Variants in HK1 observed in about 807,000 individuals in gnomAD.
HK1 encodes the protein hexokinase-1.
HK1 carries 28 observed loss-of-function variants against 91.6 expected under a neutral mutation model. The observed-to-expected ratio is 0.31, with a 90% CI of 0.23 to 0.42. The LOEUF (loss-of-function observed/expected upper bound fraction) is 0.42. Among genes scored for constraint, HK1 ranks in the 10% least tolerant of loss-of-function variants. The pLI, the probability that HK1 is intolerant of heterozygous loss-of-function variation, is 1.00. For synonymous variants in HK1, 430 were observed against 468.1 expected, an observed-to-expected ratio of 0.92 and a Z score of 1.05; for missense variants, 770 against 1,219.8, an observed-to-expected ratio of 0.63 and a Z score of 5.49.
intron 1 of HK1, 91 bp from the exon 2 acceptor site, chr10:69,343,736 T>C: frequency 1.1e-6 from 1 of 950,646 alleles, no homozygotes. Flanking sequence ...TTCCTGTGCC[T>C]GTGGGAGCTG....
At chr10:69,305,314 G>A (rs1846051621) in intron 5 of HK1, among the ~76,000 whole-genome samples, 1 of 152,176 alleles carries the variant, frequency 6.6e-6, no homozygotes, top group Admixed American at 6.5e-5. Context: ...TATAGGGGAG[G>A]CTGGAAATGG....
At chr10:69,346,562 G>A (rs796618741) in intron 2 of HK1, among the ~76,000 whole-genome samples, 4 of 151,824 alleles carry the variant, frequency 2.6e-5, no homozygotes, top group African/African-American at 9.7e-5. Flanking sequence ...TGTAGAGATA[G>A]GGTTTTGCCA....
At chr10:69,357,880 G>A (rs1007172769) in intron 2 of HK1, among the ~76,000 whole-genome samples, 1 of 152,120 alleles carries the variant, frequency 6.6e-6, no homozygotes, top group Non-Finnish European at 1.5e-5. Context: ...AGGGTATAGG[G>A]TTTCTTTTTG....
chr10:69,283,810 A>AAAAG (rs1224938446), intron 2 of HK1, among the ~76,000 whole-genome samples: 1 of 150,644 alleles, frequency 6.6e-6, no homozygotes, highest in Non-Finnish European at 1.5e-5. Context: ...AAAAAAAAAA[A>AAAAG]AAAAAAAGAA....
chr10:69,364,100 G>GTTGCCC (rs1564543313), intron 3 of HK1, among the ~76,000 whole-genome samples: 3 of 152,344 alleles, frequency 2.0e-5, no homozygotes, highest in East Asian at 3.9e-4. Context: ...GTGGCTGGCA[G>GTTGCCC]TTGCCCTTGG....
At chr10:69,318,272 G>A, upstream of HK1, 10 of 973,442 alleles carry the variant, frequency 1.0e-5, no homozygotes, top group Non-Finnish European at 1.1e-5. Context: ...AGGAAGGCGC[G>A]GGACCCGGGT....
intron 13 of HK1, among the ~76,000 whole-genome samples, chr10:69,387,669 C>T (rs1839704752): frequency 1.3e-5 from 2 of 152,090 alleles, no homozygotes; most frequent in South Asian, 2.1e-4. Context: ...CAAGCATGGG[C>T]CACCACACCA....
At chr10:69,273,252 G>C (rs1228473223) in intron 1 of HK1, among the ~76,000 whole-genome samples, 1 of 151,960 alleles carries the variant, frequency 6.6e-6, no homozygotes, top group African/African-American at 2.4e-5. Flanking sequence ...GTCTCACTCT[G>C]TAACACAGGC....
At chr10:69,304,275 ATTATTTATTTATTTATTTATTTAT>A (rs141139312) in intron 5 of HK1, among the ~76,000 whole-genome samples, 2 of 143,388 alleles carry the variant, frequency 1.4e-5, no homozygotes, top group Admixed American at 1.4e-4. Flanking sequence ...TTTTATTTTT[ATTATTTATTTATTTATTTATTTAT>A]TTATTTATTT....
rs375270735 is a variant in HK1, at chr10:69,360,055, T to C, written c.375+10T>C. On this transcript the variant is annotated intron_variant, in intron 3 of 17. Coordinates refer to ENST00000359426, the MANE Select transcript of HK1 (RefSeq NM_000188.3). Reference sequence around the variant, plus strand: ...CGGCAGTGGAAGCCAGGTGGGTCCCTGCTCCCTCCGGGTCACCCCGTCGGG... The same window carrying C: ...CGGCAGTGGAAGCCAGGTGGGTCCCCGCTCCCTCCGGGTCACCCCGTCGGG... 137 of 1,613,426 alleles carry C rather than the reference T, an allele frequency of 8.5e-5. No individual in the cohort carries two copies. Among genetic ancestry groups the C allele is most frequent in the Non-Finnish European group, 1.1e-4 (130 of 1,179,792 alleles).
chr10:69,288,890 G>C (rs895882245), intron 3 of HK1: 2 of 808,856 alleles, frequency 2.5e-6, no homozygotes, highest in Non-Finnish European at 4.1e-6. Context: ...GGGTTCAAGC[G>C]ATTCTCCTGC....
intron 5 of HK1, among the ~76,000 whole-genome samples, chr10:69,309,222 C>G (rs990152695): frequency 1.3e-5 from 2 of 150,728 alleles, no homozygotes; most frequent in Admixed American, 1.3e-4. Context: ...CGCTCTGTCC[C>G]CTAGGCTGAA....
At chr10:69,315,471 T>C (rs553098326), upstream of HK1, among the ~76,000 whole-genome samples, 8 of 152,116 alleles carry the variant, frequency 5.3e-5, no homozygotes, top group African/African-American at 1.9e-4. Flanking sequence ...TCAGGGGACT[T>C]GAAGGGAAGT....
intron 2 of HK1, among the ~76,000 whole-genome samples, chr10:69,345,142 AG>A (rs1373390014): frequency 6.6e-6 from 1 of 152,120 alleles, no homozygotes; most frequent in Non-Finnish European, 1.5e-5. Flanking sequence ...CTCTGCCTGC[AG>A]TCATCCTGAA....
intron 5 of HK1, among the ~76,000 whole-genome samples, chr10:69,301,035 G>GAGTT (rs1462888109): frequency 6.6e-6 from 1 of 152,036 alleles, no homozygotes; most frequent in Non-Finnish European, 1.5e-5. Context: ...ACAAGGTCAG[G>GAGTT]AGTTCAAGAC....
chr10:69,326,640 T>C (rs150313270), intron 1 of HK1, among the ~76,000 whole-genome samples: 112 of 152,328 alleles, frequency 7.4e-4, no homozygotes, highest in Non-Finnish European at 1.2e-3. Context: ...TTTGAGTTAA[T>C]TTTTTATTAT....
intron 3 of HK1, chr10:69,292,453 TA>T: frequency 3.0e-6 from 1 of 337,950 alleles, no homozygotes; most frequent in Admixed American, 3.8e-5. Flanking sequence ...ACACATGGAT[TA>T]CCCCTGATTC....
intron 1 of HK1, among the ~76,000 whole-genome samples, chr10:69,342,137 G>C (rs1318826326): frequency 1.3e-5 from 2 of 150,688 alleles, no homozygotes; most frequent in African/African-American, 4.9e-5. Flanking sequence ...GACAGAGATA[G>C]ACTATGAAAA....
intron 3 of HK1, among the ~76,000 whole-genome samples, chr10:69,360,594 C>G (rs375953785): frequency 1.4e-4 from 21 of 152,310 alleles, no homozygotes; most frequent in African/African-American, 4.3e-4. Flanking sequence ...GCAGGGAAAT[C>G]ACGGTCCCCT....
Sources: allele counts gnomAD v4.1 joint callset (sites outside exome capture counted in the v4.1 genomes callset), GRCh38; gene constraint gnomAD v4.1.1; transcripts MANE v1.5; gene names NCBI Gene and HGNC (gene_info 2026-07-23, HGNC 2026-07-21).